Variants in ATXN2 observed in about 807,000 individuals in gnomAD.
ATXN2 encodes the protein ataxin-2.
ATXN2 carries 37 observed loss-of-function variants against 138.6 expected under a neutral mutation model. The observed-to-expected ratio is 0.27, with a 90% CI of 0.21 to 0.35. ATXN2 has a LOEUF of 0.35. ATXN2 is among the 10% of genes least tolerant of loss of function. The pLI is 1.00. For synonymous variants in ATXN2, 549 were observed against 543.7 expected, an observed-to-expected ratio of 1.01 and a Z score of -0.13; for missense variants, 1,216 against 1,480.3, an observed-to-expected ratio of 0.82 and a Z score of 2.93.
At chr12:111,565,561 T>C (rs1445011441) in intron 1 of ATXN2, among the ~76,000 whole-genome samples, 1 of 152,218 alleles carries the variant, frequency 6.6e-6, no homozygotes, top group African/African-American at 2.4e-5. Context: ...CCCTGATTTC[T>C]TTTAAGGCAC....
At chr12:111,554,639 T>C (rs796339464) in intron 2 of ATXN2, among the ~76,000 whole-genome samples, 6 of 152,138 alleles carry the variant, frequency 3.9e-5, no homozygotes, top group African/African-American at 1.2e-4. Context: ...TAAACTTCCA[T>C]AGAGGAGGAA....
intron 23 of ATXN2, chr12:111,455,070 C>T: frequency 1.4e-6 from 1 of 703,038 alleles, no homozygotes; most frequent in Non-Finnish European, 2.6e-6. Context: ...GAGATAGATC[C>T]AACTGAGTCG....
At chr12:111,480,500 C>T (rs189469891) in intron 18 of ATXN2, among the ~76,000 whole-genome samples, 30 of 152,180 alleles carry the variant, frequency 2.0e-4, no homozygotes, top group Non-Finnish European at 3.8e-4. Flanking sequence ...CACGGTAAAA[C>T]CCCGTCTCTA....
Position 111,510,553 on chromosome 12 carries a change from G to A in ATXN2, c.1588C>T (p.Pro530Ser), listed in dbSNP as rs1312706667. The part of the protein sequence containing the change: ...VPRLSPKTHR[P>S]RSPRQNSIGN... Reference sequence around the variant, plus strand: ...ATACTGTTCTGTCTGGGAGACCTGGGTCTATGAGTTTTAGGGGATAATCTT... The same window carrying A: ...ATACTGTTCTGTCTGGGAGACCTGGATCTATGAGTTTTAGGGGATAATCTT... The change falls in exon 12 of 25, where the codon CCC (proline) becomes TCC (serine). Residue 530 changes from proline (P) to serine (S), a missense_variant. By Grantham distance (74) the Pro-to-Ser change is moderately conservative. This residue lies in a region of ATXN2 where 215 missense variants were observed against 210.0 expected (regional missense o/e 1.02). Transcript: ENST00000673436. 2 of 1,613,586 alleles carry A rather than the reference G, an allele frequency of 1.2e-6. No homozygotes were observed. Among genetic ancestry groups the A allele is most frequent in the Non-Finnish European group, 1.7e-6 (2 of 1,179,616 alleles).
chr12:111,469,998 G>C, intron 20 of ATXN2, 110 bp downstream of exon 20: 1 of 1,258,188 alleles, frequency 7.9e-7, no homozygotes, highest in Non-Finnish European at 1.1e-6. Context: ...TCAGATTCTT[G>C]ACCCTCAATG....
Position 111,598,952 on chromosome 12 carries a change from T to TGCG in ATXN2, c.82_83insCGC (p.Gln27_Gln28insPro), listed in dbSNP as rs1486342624. 1.9e-3 allele frequency: 50 copies of TGCG among 25,904 alleles called. No individual in the cohort carries two copies. The East Asian group carries it at 0.16, about 85-fold the overall frequency. 1.6% of individuals were successfully genotyped at this position (25,904 alleles called of 1,614,324 possible). A position where few individuals can be genotyped will look rare whatever the true frequency, so the allele number is the denominator to read the frequency against. On this transcript the variant is annotated inframe_insertion, in exon 1 of 25. Transcript: ENST00000673436. The surrounding 1 kb of genome is among the most constrained non-coding windows in gnomAD (Gnocchi z 4.5). ...GACATTGGCAGCCGCGGGCGGCGGC[T>TGCG]GCTGCTGCTGCTGCTGCTGCTGCTG... is the stretch of plus-strand genomic sequence containing the variant.
At chr12:111,468,644 T>C (rs539296553) in intron 20 of ATXN2, 1 of 151,364 alleles carries the variant, frequency 6.6e-6, no homozygotes, top group African/African-American at 2.4e-5. Context: ...ACAGAGGTGG[T>C]ATGAAAAGTA....
intron 1 of ATXN2, among the ~76,000 whole-genome samples, chr12:111,559,516 G>T (rs1170820402): frequency 6.7e-6 from 1 of 149,946 alleles, no homozygotes; most frequent in Non-Finnish European, 1.5e-5. Context: ...GCTAAGGCCT[G>T]TAATCCCAGC....
At chr12:111,454,979 C>T (rs1192855728) in intron 23 of ATXN2, 9 of 700,362 alleles carry the variant, frequency 1.3e-5, no homozygotes, top group Non-Finnish European at 2.3e-5. Context: ...GTGCGCTACA[C>T]CACAGAACCT....
At chr12:111,485,130 T>C (rs1385015031) in intron 18 of ATXN2, 135 bp downstream of exon 18, 12 of 711,336 alleles carry the variant, frequency 1.7e-5, no homozygotes, top group Non-Finnish European at 2.6e-5. Context: ...CTATGTAATG[T>C]TGTTCATCAA....
At chr12:111,591,752 A>T (rs1025085074) in intron 1 of ATXN2, among the ~76,000 whole-genome samples, 3 of 149,596 alleles carry the variant, frequency 2.0e-5, no homozygotes, top group Non-Finnish European at 4.4e-5. Flanking sequence ...AAGATTTAGG[A>T]TTTTTTGTTG....
chr12:111,485,371 T>TGATA (rs1184873917), intron 17 of ATXN2, 40 bp from the exon 18 acceptor site: 1 of 1,539,786 alleles, frequency 6.5e-7, no homozygotes, highest in East Asian at 2.3e-5. Flanking sequence ...TAGGCACCTA[T>TGATA]GATAATAACA....
chr12:111,469,353 A>G (rs924014529), intron 20 of ATXN2: 2 of 152,262 alleles, frequency 1.3e-5, no homozygotes, highest in Non-Finnish European at 2.9e-5. Context: ...ATTCTGTATC[A>G]TAAGATATAC....
At chr12:111,575,253 C>G (rs1323581764) in intron 1 of ATXN2, among the ~76,000 whole-genome samples, 2 of 152,096 alleles carry the variant, frequency 1.3e-5, no homozygotes, top group Non-Finnish European at 2.9e-5. Context: ...GTGCTGTGAT[C>G]ATAGCTCCTG....
chr12:111,523,554 C>T (rs555206754), intron 6 of ATXN2, among the ~76,000 whole-genome samples: 5 of 151,282 alleles, frequency 3.3e-5, no homozygotes, highest in Non-Finnish European at 7.4e-5. Context: ...GGTGAAACCC[C>T]GTCTCTACTA....
At chr12:111,456,534 T>C (rs958645792) in intron 22 of ATXN2, among the ~76,000 whole-genome samples, 3 of 152,202 alleles carry the variant, frequency 2.0e-5, no homozygotes, top group Non-Finnish European at 2.9e-5. Context: ...AACTGATAGA[T>C]ATCAAAGACA....
intron 2 of ATXN2, among the ~76,000 whole-genome samples, chr12:111,555,137 G>C (rs1346131546): frequency 6.6e-6 from 1 of 151,906 alleles, no homozygotes; most frequent in African/African-American, 2.4e-5. Flanking sequence ...AGCCAAAGGA[G>C]AAAAATGAAA....
At chr12:111,513,660 T>G in intron 10 of ATXN2, 121 bp from the exon 11 acceptor site, 1 of 830,672 alleles carries the variant, frequency 1.2e-6, no homozygotes. Flanking sequence ...AGTTTTTCCT[T>G]GGTTAAAAAT....
At chr12:111,573,256 G>A (rs946780222) in intron 1 of ATXN2, among the ~76,000 whole-genome samples, 5 of 151,990 alleles carry the variant, frequency 3.3e-5, no homozygotes, top group African/African-American at 7.3e-5. Context: ...GCAATGGAGC[G>A]ATCTCAGCTC....
Sources: allele counts gnomAD v4.1 joint callset (sites outside exome capture counted in the v4.1 genomes callset), GRCh38; gene constraint gnomAD v4.1.1; regional missense constraint gnomAD v4.1.1; non-coding constraint Gnocchi (gnomAD v3.1); transcripts MANE v1.5; gene names NCBI Gene and HGNC (gene_info 2026-07-23, HGNC 2026-07-21).